ATG7: variants seen among roughly 807,000 people sequenced by gnomAD.
ATG7 encodes the protein autophagy related 7.
A neutral mutation model predicts 82.4 loss-of-function variants in ATG7; 70 were observed. That is an observed-to-expected ratio of 0.85 (90% CI 0.70 to 1.04). The LOEUF (loss-of-function observed/expected upper bound fraction) is 1.04. Among genes scored for constraint, ATG7 ranks in the 50% least tolerant of loss-of-function variants. ATG7 has a pLI of 0.00. For synonymous variants in ATG7, 287 were observed against 313.0 expected (o/e 0.92, Z 0.88); for missense variants, 792 against 864.3 (o/e 0.92, Z 1.05).
intron 19 of ATG7, among the ~76,000 whole-genome samples, chr3:11,403,384 A>G (rs1350745326): frequency 1.3e-5 from 2 of 151,748 alleles, no homozygotes; most frequent in Non-Finnish European, 2.9e-5. Context: ...TAGTAAGGAG[A>G]AGGAGATTAA....
intron 17 of ATG7, among the ~76,000 whole-genome samples, chr3:11,363,259 C>T (rs527456277): frequency 2.8e-4 from 41 of 147,404 alleles, no homozygotes; most frequent in Admixed American, 6.1e-4. Context: ...TTTTTTTTAA[C>T]GAGACGGAAT....
intron 1 of ATG7, among the ~76,000 whole-genome samples, chr3:11,279,925 G>A (rs1279540071): frequency 1.4e-5 from 2 of 143,336 alleles, no homozygotes; most frequent in Admixed American, 1.4e-4. Flanking sequence ...GCTCTTTAAA[G>A]GTGGGGACCA....
chr3:11,563,431 ACACGCCTCTGTTCCAGCCCCTGCTGCTG>A, the ATG7 span, among the ~76,000 whole-genome samples: 3 of 152,288 alleles, frequency 2.0e-5, no homozygotes, highest in African/African-American at 7.2e-5. Flanking sequence ...CGCACTGCGC[ACACGCCTCTGTTCCAGCCCCTGCTGCTG>A]CCCAACAGCA....
At chr3:11,424,707 A>G (rs945145963) in intron 19 of ATG7, among the ~76,000 whole-genome samples, 5 of 152,298 alleles carry the variant, frequency 3.3e-5, no homozygotes, top group African/African-American at 4.8e-5. Flanking sequence ...GTAGTATAAA[A>G]TAATCTACAG....
At chr3:11,562,155 C>G (rs1223482783), downstream of ATG7, among the ~76,000 whole-genome samples, 2 of 152,248 alleles carry the variant, frequency 1.3e-5, no homozygotes, top group South Asian at 2.1e-4. Context: ...CCTCAACCCC[C>G]CAAAGGGCTG....
chr3:11,555,123 C>T lies in ATG7; in HGVS notation c.*280C>T. ...CAGTTTTTATTTCTTGTCACAGTGACTGATAGCCATCCCCCAGGATCCTTT... is the reference window on the plus strand; with the variant it reads ...CAGTTTTTATTTCTTGTCACAGTGATTGATAGCCATCCCCCAGGATCCTTT... On this transcript the variant is annotated 3_prime_UTR_variant, in exon 21 of 21. Transcript: ENST00000693202. The T allele has an allele frequency of 2.1e-6, 1 of 474,394 alleles. No individual in the cohort carries two copies. The highest frequency in any genetic ancestry group is 2.0e-5 in the African/African-American group (1 of 50,104). The allele number at this position is 474,394 out of a possible 1,614,324, so 29.4% of individuals were successfully genotyped here. A position where few individuals can be genotyped will look rare whatever the true frequency, so the allele number is the denominator to read the frequency against.
chr3:11,555,162 A>AG lies in ATG7; in HGVS notation c.*324dup. The AG allele has an allele frequency of 2.6e-6, 1 of 383,532 alleles. No individual in the cohort carries two copies. Among genetic ancestry groups the AG allele is most frequent in the East Asian group, 4.9e-5 (1 of 20,254 alleles). 23.8% of individuals were successfully genotyped at this position (383,532 alleles called of 1,614,324 possible). On this transcript the variant is annotated 3_prime_UTR_variant, in exon 21 of 21. Coordinates refer to ENST00000693202, the MANE Select transcript of ATG7 (RefSeq NM_001349232.2). Reference sequence around the variant, plus strand: ...CCAGGATCCTTTCCCCTTGGCCCTGAGGGGGTGACCCAACACAGACCAAAT... The same window carrying AG: ...CCAGGATCCTTTCCCCTTGGCCCTGAGGGGGGTGACCCAACACAGACCAAAT...
At chr3:11,469,924 A>G (rs113524180) in intron 20 of ATG7, among the ~76,000 whole-genome samples, 3 of 137,850 alleles carry the variant, frequency 2.2e-5, no homozygotes. Flanking sequence ...TGGGAGGCGG[A>G]GGTTGCAGTG....
intron 20 of ATG7, among the ~76,000 whole-genome samples, chr3:11,482,982 A>G (rs566645837): frequency 2.6e-5 from 4 of 152,036 alleles, no homozygotes; most frequent in South Asian, 4.2e-4. Context: ...GATAACTACA[A>G]TTCTGACCTC....
intron 9 of ATG7, among the ~76,000 whole-genome samples, chr3:11,329,326 G>A (rs1014276655): frequency 8.5e-5 from 13 of 152,164 alleles, no homozygotes; most frequent in African/African-American, 3.1e-4. Flanking sequence ...AAATAAAAGG[G>A]AGTGTTTAGG....
At chr3:11,420,822 C>T (rs996592089) in intron 19 of ATG7, among the ~76,000 whole-genome samples, 1 of 142,540 alleles carries the variant, frequency 7.0e-6, no homozygotes, top group Admixed American at 7.4e-5. Context: ...ATGGCGCGAT[C>T]TCGGCTCACT....
intron 20 of ATG7, among the ~76,000 whole-genome samples, chr3:11,443,174 TG>T (rs1248083353): frequency 6.6e-6 from 1 of 152,138 alleles, no homozygotes; most frequent in African/African-American, 2.4e-5. Flanking sequence ...CACTTCTGTG[TG>T]GGGCGTGCTC....
intron 3 of ATG7, among the ~76,000 whole-genome samples, chr3:11,286,820 G>C (rs1038355181): frequency 6.6e-6 from 1 of 151,792 alleles, no homozygotes; most frequent in African/African-American, 2.4e-5. Flanking sequence ...GCCCAGGCTG[G>C]TCTCAAACTC....
At chr3:11,486,154 T>C (rs980105812) in intron 20 of ATG7, among the ~76,000 whole-genome samples, 6 of 152,208 alleles carry the variant, frequency 3.9e-5, no homozygotes, top group Admixed American at 1.3e-4. Context: ...TTTCATGATA[T>C]TGATTCTTCC....
intron 19 of ATG7, among the ~76,000 whole-genome samples, chr3:11,422,612 C>T (rs1050361497): frequency 6.6e-6 from 1 of 151,904 alleles, no homozygotes; most frequent in African/African-American, 2.4e-5. Flanking sequence ...TGGAGTAGCA[C>T]TTATAATTTC....
At chr3:11,427,060 C>T in intron 20 of ATG7, 134 bp downstream of exon 20, 1 of 1,157,968 alleles carries the variant, frequency 8.6e-7, no homozygotes, top group Non-Finnish European at 1.2e-6. Context: ...AATAAGTCTG[C>T]TAGTTACCAG....
At chr3:11,533,636 T>G (rs1384361698) in intron 20 of ATG7, among the ~76,000 whole-genome samples, 1 of 151,892 alleles carries the variant, frequency 6.6e-6, no homozygotes, top group Non-Finnish European at 1.5e-5. Context: ...TAAAAACTGC[T>G]TCCTGAGAAG....
At chr3:11,333,955 T>C (rs1952014121) in intron 11 of ATG7, among the ~76,000 whole-genome samples, 1 of 152,014 alleles carries the variant, frequency 6.6e-6, no homozygotes, top group African/African-American at 2.4e-5. Context: ...CACCGTGTGT[T>C]ATCCAGGATG....
chr3:11,409,076 T>C (rs1391407578), intron 19 of ATG7, among the ~76,000 whole-genome samples: 2 of 152,228 alleles, frequency 1.3e-5, no homozygotes, highest in Admixed American at 1.3e-4. Flanking sequence ...CTTTTGTAAA[T>C]AGTTTCTCGT....
Sources: gnomAD v4.1 joint callset for allele counts (sites outside exome capture counted in the v4.1 genomes callset) on GRCh38, gnomAD v4.1.1 for gene constraint, MANE v1.5 for transcripts, NCBI Gene and HGNC (gene_info 2026-07-23, HGNC 2026-07-21) for gene names.